Variants in SIN3A observed in about 807,000 individuals in gnomAD.
The protein encoded by SIN3A is paired amphipathic helix protein Sin3a.
In SIN3A, 14 loss-of-function variants were observed where a neutral mutation model predicts 146.1. The observed-to-expected ratio is 0.10, with a 90% CI of 0.06 to 0.15. The LOEUF is 0.15. SIN3A is among the 10% of genes least tolerant of loss of function. The probability of loss-of-function intolerance (pLI) is 1.00; values close to 1 mark genes in which losing one functional copy is unlikely to be tolerated. For synonymous variants in SIN3A, 572 were observed against 572.0 expected (o/e 1.00, Z 0.00); for missense variants, 1,028 against 1,576.0 (o/e 0.65, Z 5.89).
chr15:75,409,768 C>A, intron 8 of SIN3A, 68 bp downstream of exon 8: 1 of 1,523,750 alleles, frequency 6.6e-7, no homozygotes, highest in Non-Finnish European at 9.0e-7. Context: ...CACATGACCA[C>A]CTCTAGAGTA....
At chr15:75,425,938 C>T (rs1273001441) in intron 2 of SIN3A, among the ~76,000 whole-genome samples, 1 of 152,068 alleles carries the variant, frequency 6.6e-6, no homozygotes, top group Non-Finnish European at 1.5e-5. Context: ...ATGCATAAAT[C>T]CACAGAAACA....
intron 1 of SIN3A, among the ~76,000 whole-genome samples, chr15:75,431,960 G>A (rs1261643860): frequency 1.3e-5 from 2 of 152,190 alleles, no homozygotes; most frequent in African/African-American, 4.8e-5. Context: ...TATGCTCTCT[G>A]TGGCCTATAT....
rs2072737800 is a variant in SIN3A, at chr15:75,370,889, G to C, written c.*1090C>G. ...CTGAAGTCAAAATCCCTGCTTCACA[G>C]TATTTTCTGGTGAGGACAAGGGACG... On this transcript the variant is annotated 3_prime_UTR_variant, in exon 21 of 21. Coordinates refer to ENST00000394947, the MANE Select transcript of SIN3A (RefSeq NM_001145358.2). 1 of 150,652 alleles carries C rather than the reference G, an allele frequency of 6.6e-6. No homozygotes were observed. The highest frequency in any genetic ancestry group is 1.5e-5 in the Non-Finnish European group (1 of 67,850). The allele number at this position is 150,652 out of a possible 1,614,324, so 9.3% of individuals were successfully genotyped here. A position where few individuals can be genotyped will look rare whatever the true frequency, so the allele number is the denominator to read the frequency against.
In SIN3A at chr15:75,401,929, G is replaced by A; in HGVS notation, c.1449C>T (p.Phe483=). The change falls in exon 10 of 21, where the codon TTC becomes TTT. Residue 483 remains phenylalanine (F), a synonymous_variant. Coordinates refer to ENST00000394947, the MANE Select transcript of SIN3A (RefSeq NM_001145358.2). ...GGTTAAAAATAACAAGACAGCGTAGGAAATTTTCGTAGGCTTCTGCACTCC... is the reference window on the plus strand; with the variant it reads ...GGTTAAAAATAACAAGACAGCGTAGAAAATTTTCGTAGGCTTCTGCACTCC... ...ALRSAEAYEN[F]LRCLVIFNQE... is the part of the protein sequence containing the mutation. The A allele has an allele frequency of 6.2e-7, 1 of 1,613,948 alleles. No homozygotes were observed. Among genetic ancestry groups the A allele is most frequent in the Non-Finnish European group, 8.5e-7 (1 of 1,179,860 alleles).
upstream of SIN3A, among the ~76,000 whole-genome samples, chr15:75,454,548 C>G (rs2141658596): frequency 6.6e-6 from 1 of 151,268 alleles, no homozygotes; most frequent in African/African-American, 2.4e-5. Flanking sequence ...TCCCGGCTGA[C>G]AGGCGCGCCC....
chr15:75,383,704 A>AT (rs1379542655), intron 17 of SIN3A, among the ~76,000 whole-genome samples: 3 of 151,944 alleles, frequency 2.0e-5, no homozygotes, highest in Non-Finnish European at 2.9e-5. Context: ...AATTTTTTGT[A>AT]TTTTTAGTAG....
In SIN3A at chr15:75,398,429, A is replaced by C. The variant is rs147526338; in HGVS notation, c.1854+1611T>G. 7.8e-3 allele frequency among the ~76,000 whole-genome samples: 1,183 copies of C among 152,228 alleles called. 19 individuals are homozygous for C. Among genetic ancestry groups the C allele is most frequent in the African/African-American group, 0.027 (1,120 of 41,534 alleles). ...AGTGGCTCACACTTGTAATCCCAGCACTTTGGAAGGCCAAGACGGGTGGGT... is the reference window on the plus strand; with the variant it reads ...AGTGGCTCACACTTGTAATCCCAGCCCTTTGGAAGGCCAAGACGGGTGGGT... On this transcript the variant is annotated intron_variant, in intron 12 of 20. Coordinates refer to ENST00000394947, the MANE Select transcript of SIN3A (RefSeq NM_001145358.2).
In SIN3A at chr15:75,410,147, G is replaced by C. The variant is rs2073603925; in HGVS notation, c.1148C>G (p.Ala383Gly). The change falls in exon 7 of 21, where the codon GCC becomes GGC. Residue 383 changes from alanine (A) to glycine (G), a missense_variant. Coordinates refer to ENST00000394947, the MANE Select transcript of SIN3A (RefSeq NM_001145358.2). ...LSEFGQFLPDANSSVLLSKTT... is the reference protein window; with the variant it reads ...LSEFGQFLPDGNSSVLLSKTT... ...AAAAAAACATACCACGGAGCTGTTG[G>C]CATCTGGTAGGAATTGTCCAAACTC... 1.2e-6 allele frequency: 2 copies of C among 1,613,752 alleles called. No individual in the cohort carries two copies. The highest frequency in any genetic ancestry group is 1.7e-5 in the Admixed American group (1 of 59,954).
At chr15:75,390,815 A>G (rs2141419445) in intron 15 of SIN3A, among the ~76,000 whole-genome samples, 1 of 152,250 alleles carries the variant, frequency 6.6e-6, no homozygotes, top group South Asian at 2.1e-4. Flanking sequence ...GCCTCAAGTG[A>G]TCCTCCCACA....
chr15:75,442,120 CAAAAAAAAAAAAAAAA>C (rs57418865), intron 1 of SIN3A, among the ~76,000 whole-genome samples: 17 of 29,280 alleles, frequency 5.8e-4, no homozygotes, highest in East Asian at 1.9e-3. Context: ...GACTCTGTCT[CAAAAAAAAAAAAAAAA>C]AAAAAAAAAA....
intron 3 of SIN3A, chr15:75,415,896 A>G: frequency 4.1e-6 from 1 of 245,470 alleles, no homozygotes; most frequent in Non-Finnish European, 8.0e-6. Context: ...AAGGAGAGAG[A>G]GGAGGTACCC....
intron 3 of SIN3A, chr15:75,421,223 A>T (rs893211034): frequency 2.6e-5 from 4 of 152,232 alleles, no homozygotes; most frequent in African/African-American, 9.6e-5. Context: ...TATTTTCAGG[A>T]CTTAGTAAAG....
rs8041436 is a variant in SIN3A, at chr15:75,393,897, T to C, written c.2277+783A>G. Among the ~76,000 whole-genome samples the C allele has an allele frequency of 4.4e-3, 668 of 152,254 alleles. 11 individuals are homozygous for C. Among genetic ancestry groups the C allele is most frequent in the African/African-American group, 0.015 (634 of 41,538 alleles). On this transcript the variant is annotated intron_variant, in intron 14 of 20. Transcript: ENST00000394947. The stretch of plus-strand genomic sequence containing the variant: ...TTCTCAGCTCACTGCATCCTCCACC[T>C]CCCAGGTTCAAGCCATTCTCCCACC...
intron 1 of SIN3A, among the ~76,000 whole-genome samples, chr15:75,435,516 G>GGAGAA (rs1468209416): frequency 6.6e-6 from 1 of 152,190 alleles, no homozygotes; most frequent in East Asian, 1.9e-4. Flanking sequence ...TGACCAACAT[G>GGAGAA]GAGAAACCCT....
intron 1 of SIN3A, among the ~76,000 whole-genome samples, chr15:75,446,008 C>G (rs2074300616): frequency 1.3e-5 from 2 of 152,140 alleles, no homozygotes; most frequent in Non-Finnish European, 2.9e-5. Context: ...TTCATGTATA[C>G]ATTCTCTAAT....
At chr15:75,410,551 C>T (rs2073614577) in intron 6 of SIN3A, among the ~76,000 whole-genome samples, 1 of 151,790 alleles carries the variant, frequency 6.6e-6, no homozygotes, top group African/African-American at 2.4e-5. Context: ...GTGCACTTGT[C>T]TCGGCCTCCC....
chr15:75,379,606 A>G (rs1231105566), intron 19 of SIN3A, among the ~76,000 whole-genome samples: 1 of 152,228 alleles, frequency 6.6e-6, no homozygotes, highest in Admixed American at 6.5e-5. Context: ...AAATGATTCA[A>G]TGAATGGAGA....
rs767339561 is a variant in SIN3A, at chr15:75,371,479, G to GA, written c.*499dup. 8.9e-4 allele frequency: 135 copies of GA among 150,886 alleles called. 1 individual carries two copies. The highest frequency in any genetic ancestry group is 1.9e-3 in the Admixed American group (29 of 15,080). 9.3% of individuals were successfully genotyped at this position (150,886 alleles called of 1,614,324 possible). A position where few individuals can be genotyped will look rare whatever the true frequency, so the allele number is the denominator to read the frequency against. On this transcript the variant is annotated 3_prime_UTR_variant, in exon 21 of 21. Transcript: ENST00000394947. ...GATCTTAGATGTGCTCGAGTGACCA[G>GA]AAAAAAAAAATCAAATCCAGCTTTT...
At chr15:75,454,012 C>G (rs954926150), upstream of SIN3A, 1 of 152,236 alleles carries the variant, frequency 6.6e-6, no homozygotes, top group Non-Finnish European at 1.5e-5. Flanking sequence ...GGAGCGCGCT[C>G]AAGAGCGGAG....
Sources: gnomAD v4.1 joint callset for allele counts (sites outside exome capture counted in the v4.1 genomes callset) on GRCh38, gnomAD v4.1.1 for gene constraint, MANE v1.5 for transcripts, NCBI Gene and HGNC (gene_info 2026-07-23, HGNC 2026-07-21) for gene names.